ZNF407: variants seen among roughly 807,000 people sequenced by gnomAD.
ZNF407 encodes zinc finger protein 407.
Under a neutral mutation model 131.2 loss-of-function variants are expected in ZNF407, and 17 were observed. The observed-to-expected ratio is 0.13, with a 90% CI of 0.09 to 0.19. The LOEUF (loss-of-function observed/expected upper bound fraction) is 0.19, where lower values mean the gene tolerates loss of function less well. Among genes scored for constraint, ZNF407 ranks in the 10% least tolerant of loss-of-function variants. ZNF407 has a pLI of 1.00. For missense variants in ZNF407, 2,681 were observed against 2,830.6 expected, an observed-to-expected ratio of 0.95 and a Z score of 1.20; for synonymous variants, 1,156 against 1,062.0, an observed-to-expected ratio of 1.09 and a Z score of -1.72.
intron 8 of ZNF407, among the ~76,000 whole-genome samples, chr18:74,970,710 G>A (rs1027359890): frequency 1.6e-4 from 24 of 152,336 alleles, no homozygotes; most frequent in Non-Finnish European, 3.2e-4. Flanking sequence ...GGTGTTGAGT[G>A]TCTGTGGCAT....
At chr18:74,806,285 A>T (rs887022170) in intron 4 of ZNF407, among the ~76,000 whole-genome samples, 10 of 152,350 alleles carry the variant, frequency 6.6e-5, no homozygotes, top group Admixed American at 1.3e-4. Flanking sequence ...ATCTTATCTC[A>T]GAAAGTCTGT....
chr18:74,902,766 C>G (rs1971545660), intron 7 of ZNF407, among the ~76,000 whole-genome samples: 1 of 152,162 alleles, frequency 6.6e-6, no homozygotes, highest in Admixed American at 6.5e-5. Flanking sequence ...GAGCTCTGTA[C>G]AGCATAGAGT....
At chr18:74,669,346 C>T (rs1196877576) in intron 3 of ZNF407, among the ~76,000 whole-genome samples, 1 of 152,184 alleles carries the variant, frequency 6.6e-6, no homozygotes, top group East Asian at 1.9e-4. Context: ...AGGGCTGCTC[C>T]TCTCTCCTTC....
At chr18:74,676,549 G>T (rs1411321046) in intron 3 of ZNF407, among the ~76,000 whole-genome samples, 1 of 151,006 alleles carries the variant, frequency 6.6e-6, no homozygotes, top group African/African-American at 2.4e-5. Context: ...CCATTCTCCT[G>T]CCTCAACCTC....
At chr18:74,889,393 G>A (rs1027176914) in intron 6 of ZNF407, among the ~76,000 whole-genome samples, 1 of 151,938 alleles carries the variant, frequency 6.6e-6, no homozygotes, top group Non-Finnish European at 1.5e-5. Context: ...ATTTCTTTGG[G>A]TCCTCTTTTT....
intron 3 of ZNF407, among the ~76,000 whole-genome samples, chr18:74,702,906 G>A (rs1599082140): frequency 6.6e-6 from 1 of 152,194 alleles, no homozygotes; most frequent in Non-Finnish European, 1.5e-5. Flanking sequence ...TTGGAACACA[G>A]GGCAAGAACA....
rs550429261 is a variant in ZNF407, at chr18:75,023,852, A to C, written c.5429-39298A>C. ...AGCTTATTTCATGTACTACTGTTGT[A>C]GTTGCACTTTGAAATAGTTCAGTTA... On this transcript the variant is annotated intron_variant, in intron 8 of 8. Transcript: ENST00000299687. Among the ~76,000 whole-genome samples, 121 of 152,330 alleles carry C rather than the reference A, an allele frequency of 7.9e-4. 1 individual carries two copies. In the Middle Eastern group the frequency reaches 0.017, roughly 21 times the overall value.
In ZNF407 at chr18:74,853,105, G is replaced by GA. The variant is rs145677412; in HGVS notation, c.4878-24086dup. Reference sequence around the variant, plus strand: ...AGGTCCACCTTTTTCCCTAGGAAAGGAAAAAACGTATCAAATGTGTGTACA... The same window carrying GA: ...AGGTCCACCTTTTTCCCTAGGAAAGGAAAAAAACGTATCAAATGTGTGTACA... On this transcript the variant is annotated intron_variant, in intron 4 of 8. Transcript: ENST00000299687. Among the ~76,000 whole-genome samples the GA allele has an allele frequency of 4.2e-3, 632 of 152,180 alleles. 1 individual carries two copies. Among genetic ancestry groups the GA allele is most frequent in the Middle Eastern group, 0.014 (4 of 294 alleles).
rs185836169 is a variant in ZNF407, at chr18:74,611,252, G to T, written c.-54+13315G>T. On this transcript the variant is annotated intron_variant, in intron 1 of 8. Coordinates refer to ENST00000299687, the MANE Select transcript of ZNF407 (RefSeq NM_017757.3). ...AGGGGTCTTAAAAAGATCACAGAGG[G>T]TGCAGACCATAAAGGAAAAGATCAA... Among the ~76,000 whole-genome samples, 200 of 152,296 alleles carry T rather than the reference G, an allele frequency of 1.3e-3. 3 individuals carry two copies. In the Middle Eastern group the frequency reaches 0.02, roughly 16 times the overall value.
chr18:74,632,617 G>A lies in ZNF407; in HGVS notation c.1598G>A (p.Cys533Tyr). The A allele has an allele frequency of 6.2e-7, 1 of 1,614,048 alleles. No homozygotes were observed. The highest frequency in any genetic ancestry group is 8.5e-7 in the Non-Finnish European group (1 of 1,179,902). Residue 533 changes from cysteine to tyrosine, a missense_variant, in exon 2 of 9, where the codon TGT becomes TAT. Cys to Tyr is a radical substitution (Grantham distance 194). Around this residue, in one of 6 missense-constraint regions of ZNF407, gnomAD observed 1,789 missense variants for 1,748.7 expected, o/e 1.02. Transcript: ENST00000299687. ...GSQTLCACTDCGQVATNRTDL... is the reference protein window; with the variant it reads ...GSQTLCACTDYGQVATNRTDL... ...CAGACGTTGTGTGCTTGTACAGACT[G>A]TGGGCAAGTAGCTACAAATAGGACA...
chr18:74,728,651 T>C (rs528131101), intron 3 of ZNF407, among the ~76,000 whole-genome samples: 3 of 152,308 alleles, frequency 2.0e-5, no homozygotes, highest in Non-Finnish European at 1.5e-5. Flanking sequence ...GCCAGGTAAG[T>C]GCCTGAGGCT....
At chr18:74,905,250 A>G (rs1449912190) in intron 7 of ZNF407, 1 of 152,266 alleles carries the variant, frequency 6.6e-6, no homozygotes, top group Non-Finnish European at 1.5e-5. Flanking sequence ...TATACTTTCC[A>G]TATAAACCGA....
chr18:75,018,551 G>A lies in ZNF407; in HGVS notation c.5429-44599G>A, dbSNP rs1483726506. 4.6e-5 allele frequency among the ~76,000 whole-genome samples: 7 copies of A among 151,514 alleles called. No homozygotes were observed. The South Asian group carries it at 1.5e-3, about 32-fold the overall frequency. The stretch of plus-strand genomic sequence containing the variant: ...GTCATAACAAAAAAGGAGAAATAAA[G>A]TCATTAAGTAACAGCTGAAATAAAT... On this transcript the variant is annotated intron_variant, in intron 8 of 8. Coordinates refer to ENST00000299687, the MANE Select transcript of ZNF407 (RefSeq NM_017757.3).
At chr18:74,822,946 G>C (rs1225462437) in intron 4 of ZNF407, among the ~76,000 whole-genome samples, 1 of 152,080 alleles carries the variant, frequency 6.6e-6, no homozygotes, top group Non-Finnish European at 1.5e-5. Flanking sequence ...ATTTCCTTGA[G>C]CATTGGTTTG....
At chr18:74,760,451 T>C (rs922687038) in intron 3 of ZNF407, among the ~76,000 whole-genome samples, 2 of 152,212 alleles carry the variant, frequency 1.3e-5, no homozygotes, top group Admixed American at 6.5e-5. Context: ...AGCTTGTGTT[T>C]CTAATCTTAT....
intron 3 of ZNF407, among the ~76,000 whole-genome samples, chr18:74,700,200 A>G (rs1967458131): frequency 6.6e-6 from 1 of 152,218 alleles, no homozygotes; most frequent in African/African-American, 2.4e-5. Context: ...AAATCCTCAA[A>G]TTATCGCAGA....
chr18:75,049,005 G>A (rs1292976767), intron 8 of ZNF407, among the ~76,000 whole-genome samples: 6 of 146,324 alleles, frequency 4.1e-5, no homozygotes, highest in African/African-American at 1.5e-4. Context: ...AGTGCTGCCA[G>A]CCACGCTCCT....
At chr18:74,714,993 A>G (rs1436461652) in intron 3 of ZNF407, among the ~76,000 whole-genome samples, 2 of 152,066 alleles carry the variant, frequency 1.3e-5, no homozygotes, top group East Asian at 3.9e-4. Flanking sequence ...GCACTGCTCC[A>G]TTGTCTCTGC....
chr18:74,844,529 TAGTA>T (rs759456428), intron 4 of ZNF407, among the ~76,000 whole-genome samples: 9 of 152,208 alleles, frequency 5.9e-5, no homozygotes, highest in African/African-American at 2.2e-4. Flanking sequence ...GCTTTTTAAA[TAGTA>T]AGTTAAATTA....
Sources: allele counts gnomAD v4.1 joint callset (sites outside exome capture counted in the v4.1 genomes callset), GRCh38; gene constraint gnomAD v4.1.1; regional missense constraint gnomAD v4.1.1; transcripts MANE v1.5; gene names NCBI Gene and HGNC (gene_info 2026-07-23, HGNC 2026-07-21).